Variants in ATP2A3 observed in about 807,000 individuals in gnomAD.
ATP2A3 encodes ATPase sarcoplasmic/endoplasmic reticulum Ca2+ transporting 3.
ATP2A3 carries 61 observed loss-of-function variants against 106.8 expected under a neutral mutation model. The ratio of observed to expected loss-of-function variants is 0.57; its 90% confidence interval spans 0.46 to 0.71. The LOEUF is 0.71. Ranked by LOEUF, ATP2A3 falls within the 30% of genes least tolerant of loss-of-function variation. The pLI is 0.00. For missense variants in ATP2A3, 1,201 were observed against 1,423.5 expected, an observed-to-expected ratio of 0.84 and a Z score of 2.52; for synonymous variants, 611 against 609.3, an observed-to-expected ratio of 1.00 and a Z score of -0.04.
intron 9 of ATP2A3, 34 bp downstream of exon 9, chr17:3,945,026 C>T (rs1244156993): frequency 2.7e-6 from 4 of 1,475,358 alleles, no homozygotes; most frequent in Non-Finnish European, 3.6e-6. Context: ...GCCCCCAGGC[C>T]GCCCGCCCGC....
Position 3,944,662 on chromosome 17 carries a change from C to T in ATP2A3, c.1287+42G>A, listed in dbSNP as rs1299115356. On this transcript the variant is annotated intron_variant, in intron 10 of 20. Coordinates refer to ENST00000397041, the MANE Select transcript of ATP2A3 (RefSeq NM_005173.4). ...GGCTGGGAAAAGGGTCTGTCCTGGT[C>T]GCCTGGATACTAGGGAGGTCATGAA... 3.1e-6 allele frequency: 5 copies of T among 1,589,388 alleles called. No homozygotes were observed. The African/African-American group carries it at 4.0e-5, about 13-fold the overall frequency.
chr17:3,938,484 G>C (rs886717953), intron 14 of ATP2A3, among the ~76,000 whole-genome samples: 1 of 152,058 alleles, frequency 6.6e-6, no homozygotes, highest in African/African-American at 2.4e-5. Context: ...GCATTACATT[G>C]GGGGTGGGGC....
chr17:3,936,205 A>C lies in ATP2A3; in HGVS notation c.2524+62T>G, dbSNP rs972244966. Reference sequence around the variant, plus strand: ...CTGAGTCACACTGTCTGCAGCTTGCAAGCCTGATACAAGGCTCTTAGGAAG... The same window carrying C: ...CTGAGTCACACTGTCTGCAGCTTGCCAGCCTGATACAAGGCTCTTAGGAAG... On this transcript the variant is annotated intron_variant, in intron 16 of 20. Transcript: ENST00000397041. This position sits in a 1 kb window ranked among gnomAD's most constrained non-coding sequence, Gnocchi z 5.4. 5.7e-6 allele frequency: 9 copies of C among 1,592,476 alleles called. No individual in the cohort carries two copies. The highest frequency in any genetic ancestry group is 6.0e-6 in the Non-Finnish European group (7 of 1,161,126).
rs1215707281 is a variant in ATP2A3 at position 3,951,266 on chromosome 17, T to C, written c.448A>G (p.Ile150Val). The change falls in exon 5 of 21, where the codon ATT becomes GTT. Residue 150 changes from isoleucine (I) to valine (V), a missense_variant. Ile to Val is a conservative substitution (Grantham distance 29). This residue lies in a region of ATP2A3 where 266 missense variants were observed against 246.8 expected (regional missense o/e 1.08). Transcript: ENST00000397041. Reference sequence around the variant, plus strand: ...CCCGGCATACCTGCCACTTCTACAATGTCCCCTGGGACGATGTCCCGGGCA... The same window carrying C: ...CCCGGCATACCTGCCACTTCTACAACGTCCCCTGGGACGATGTCCCGGGCA... Reference protein sequence around the residue: ...IRARDIVPGDIVEVAVGDKVP... With the variant: ...IRARDIVPGDVVEVAVGDKVP... The C allele has an allele frequency of 5.0e-6, 8 of 1,606,106 alleles. No homozygotes were observed. The East Asian group carries it at 1.4e-4, about 27-fold the overall frequency.
At position 3,929,685 on chromosome 17, in the gene ATP2A3, T is replaced by C. The variant is rs945131306; in HGVS notation, c.2745-240A>G. On this transcript the variant is annotated intron_variant, in intron 18 of 20. Coordinates refer to ENST00000397041, the MANE Select transcript of ATP2A3 (RefSeq NM_005173.4). This position sits in a 1 kb window ranked among gnomAD's most constrained non-coding sequence, Gnocchi z 4.3. ...TCCTGGGCCCCAATTCCGGTCCCCA[T>C]GAACTCTCAGAATCCTCTCTGGGCC... Among the ~76,000 whole-genome samples, 1 of 152,118 alleles carries C rather than the reference T, an allele frequency of 6.6e-6. No homozygotes were observed. Among genetic ancestry groups the C allele is most frequent in the Non-Finnish European group, 1.5e-5 (1 of 68,002 alleles).
At chr17:3,940,031 C>CTTTTTTT (rs1174008086) in intron 14 of ATP2A3, among the ~76,000 whole-genome samples, 1,001 of 96,452 alleles carry the variant, frequency 0.01, 170 homozygotes, top group African/African-American at 0.045. Context: ...TGTGTCATAT[C>CTTTTTTT]TTTTTTTTTT....
In ATP2A3 at chr17:3,928,201, C is replaced by T. The variant is rs755740079; in HGVS notation, c.2980+462G>A. ...AGCTGTGAGCTCAGAAACAACCCTC[C>T]CCTTGACCCACCCACAAGGTGATAC... is the stretch of plus-strand genomic sequence containing the variant. On this transcript the variant is annotated intron_variant, in intron 20 of 20. Transcript: ENST00000397041. The surrounding 1 kb of genome is among the most constrained non-coding windows in gnomAD (Gnocchi z 6.1). The T allele has an allele frequency of 8.7e-6, 14 of 1,611,528 alleles. No individual in the cohort carries two copies. The South Asian group carries it at 1.3e-4, about 15-fold the overall frequency.
In ATP2A3 at chr17:3,930,393, G is replaced by A. The variant is rs375431156; in HGVS notation, c.2652C>T (p.Ala884=). 1.1e-5 allele frequency: 18 copies of A among 1,613,818 alleles called. No homozygotes were observed. The highest frequency in any genetic ancestry group is 4.5e-5 in the East Asian group (2 of 44,892). The change falls in exon 18 of 21, where the codon GCC becomes GCT. Residue 884 remains alanine (A), a synonymous_variant. Transcript: ENST00000397041. This position sits in a 1 kb window ranked among gnomAD's most constrained non-coding sequence, Gnocchi z 5.4. ...ACTCGAACACCTCACAGTCGATGCC[G>A]GCAAAGAGCGGGTTGTCTTCGGAGC... ...LKCSEDNPLF[A]GIDCEVFESR...
Position 3,923,880 on chromosome 17 carries a change from A to T in ATP2A3, c.*1542T>A, listed in dbSNP as rs1195170532. ...GACGCTGAGGATCCTCCGTTCCCCCAGTCACACAACCTTTATTTCTCTACC... is the reference window on the plus strand; with the variant it reads ...GACGCTGAGGATCCTCCGTTCCCCCTGTCACACAACCTTTATTTCTCTACC... On this transcript the variant is annotated 3_prime_UTR_variant, in exon 21 of 21. Transcript: ENST00000397041. 6.6e-6 allele frequency: 1 copy of T among 152,302 alleles called. No individual in the cohort carries two copies. Among genetic ancestry groups the T allele is most frequent in the Non-Finnish European group, 1.5e-5 (1 of 68,130 alleles). 9.4% of individuals were successfully genotyped at this position (152,302 alleles called of 1,614,324 possible). A position where few individuals can be genotyped will look rare whatever the true frequency, so the allele number is the denominator to read the frequency against.
Position 3,944,826 on chromosome 17 carries a change from A to AC in ATP2A3, c.1185-21dup. 1 of 1,597,578 alleles carries AC rather than the reference A, an allele frequency of 6.3e-7. No homozygotes were observed. ...TGCCGCCTGCGGAGCCGGGGCGGTC[A>AC]CCAGGAGGACCTCGGCTCCGCCCCC... On this transcript the variant is annotated intron_variant, in intron 9 of 20. Transcript: ENST00000397041.
chr17:3,940,751 G>A (rs796417725), intron 14 of ATP2A3, among the ~76,000 whole-genome samples: 24 of 152,084 alleles, frequency 1.6e-4, no homozygotes, highest in African/African-American at 5.1e-4. Context: ...CAACTGATCC[G>A]CCCGCCTCAG....
At chr17:3,954,719 A>T (rs1026808457) in intron 1 of ATP2A3, among the ~76,000 whole-genome samples, 1 of 151,306 alleles carries the variant, frequency 6.6e-6, no homozygotes, top group Non-Finnish European at 1.5e-5. Flanking sequence ...GTGGTCTCGA[A>T]CTCCTGACCT....
intron 1 of ATP2A3, among the ~76,000 whole-genome samples, chr17:3,958,281 C>T (rs770943537): frequency 3.9e-5 from 6 of 152,228 alleles, no homozygotes; most frequent in East Asian, 1.9e-4. Context: ...ACAGTGAACA[C>T]GCTCCAGCCA....
Position 3,941,211 on chromosome 17 carries a change from G to A in ATP2A3, c.1860C>T (p.Arg620=), listed in dbSNP as rs143693514. The change falls in exon 14 of 21, where the codon CGC becomes CGT. Residue 620 remains arginine, a synonymous_variant. Coordinates refer to ENST00000397041, the MANE Select transcript of ATP2A3 (RefSeq NM_005173.4). ...CITRCYQAGI[R]VVMITGDNKG... is the part of the protein sequence containing the mutation. ...TGTTATCCCCCGTGATCATGACCACGCGGATGCCCGCCTGGTAGCAGCGTG... is the reference window on the plus strand; with the variant it reads ...TGTTATCCCCCGTGATCATGACCACACGGATGCCCGCCTGGTAGCAGCGTG... 62 of 1,613,972 alleles carry A rather than the reference G, an allele frequency of 3.8e-5. 1 individual carries two copies. In the African/African-American group the frequency reaches 4.5e-4, roughly 12 times the overall value.
intron 1 of ATP2A3, among the ~76,000 whole-genome samples, chr17:3,958,251 GC>G (rs1377633961): frequency 6.6e-6 from 1 of 152,216 alleles, no homozygotes; most frequent in Non-Finnish European, 1.5e-5. Flanking sequence ...CATGCATAAA[GC>G]ACTTGGAATG....
In ATP2A3 at chr17:3,947,496, G is replaced by C. The variant is rs145919284; in HGVS notation, c.990C>G (p.Asn330Lys). 71 of 1,613,466 alleles carry C rather than the reference G, an allele frequency of 4.4e-5. No homozygotes were observed. The highest frequency in any genetic ancestry group is 5.7e-5 in the Non-Finnish European group (67 of 1,180,034). The change falls in exon 8 of 21, where the codon AAC (asparagine) becomes AAG (lysine). Residue 330 changes from asparagine to lysine, a missense_variant. By Grantham distance (94) the Asn-to-Lys change is moderately conservative. Around this residue, in one of 2 missense-constraint regions of ATP2A3, gnomAD observed 935 missense variants for 1,176.7 expected, o/e 0.79. Transcript: ENST00000397041. This position sits in a 1 kb window ranked among gnomAD's most constrained non-coding sequence, Gnocchi z 7.7. ...CGGACGGCAGGCTTCGCACGATGGC[G>C]TTCTTGCGTGCCATGCGCCGCGTGC... Reference protein sequence around the residue: ...ALGTRRMARKNAIVRSLPSVE... With the variant: ...ALGTRRMARKKAIVRSLPSVE...
At position 3,936,128 on chromosome 17, in the gene ATP2A3, C is replaced by T; in HGVS notation, c.2524+139G>A. The T allele has an allele frequency of 8.7e-7, 1 of 1,142,922 alleles. No individual in the cohort carries two copies. Among genetic ancestry groups the T allele is most frequent in the African/African-American group, 1.5e-5 (1 of 64,774 alleles). The allele number at this position is 1,142,922 out of a possible 1,614,324, so 70.8% of individuals were successfully genotyped here. On this transcript the variant is annotated intron_variant, in intron 16 of 20. Coordinates refer to ENST00000397041, the MANE Select transcript of ATP2A3 (RefSeq NM_005173.4). This position sits in a 1 kb window ranked among gnomAD's most constrained non-coding sequence, Gnocchi z 5.4. ...TACTGAGACCCAGATCCCGCCATGC[C>T]TGGTCTTTTCCATTACATGAGCTCA...
Position 3,964,397 on chromosome 17 carries a change from G to T in ATP2A3, c.-106C>A, listed in dbSNP as rs895382282. On this transcript the variant is annotated 5_prime_UTR_variant, in exon 1 of 21. An upstream open reading frame in the 5' UTR gains an earlier in-frame stop. Transcript: ENST00000397041. ...ACTCGGGCCCGGGCGGGCGCCGCGC[G>T]AGGCCATGTCCGTGCTGGGACCTTA... 6.3e-5 allele frequency: 34 copies of T among 540,982 alleles called. No individual in the cohort carries two copies. The highest frequency in any genetic ancestry group is 1.7e-4 in the Admixed American group (3 of 17,428). 33.5% of individuals were successfully genotyped at this position (540,982 alleles called of 1,614,324 possible).
chr17:3,925,317 G>T lies in ATP2A3; in HGVS notation c.*105C>A. 6.3e-7 allele frequency: 1 copy of T among 1,596,214 alleles called. No homozygotes were observed. Among genetic ancestry groups the T allele is most frequent in the Non-Finnish European group, 8.6e-7 (1 of 1,167,450 alleles). ...CCTGTCATTTATCCGGCGGGACCCG[G>T]TGGGCAAGTGGGCGAGTGTGGTGGC... On this transcript the variant is annotated 3_prime_UTR_variant, in exon 21 of 21. Coordinates refer to ENST00000397041, the MANE Select transcript of ATP2A3 (RefSeq NM_005173.4). The surrounding 1 kb of genome is among the most constrained non-coding windows in gnomAD (Gnocchi z 4.2).
Sources: allele counts gnomAD v4.1 joint callset (sites outside exome capture counted in the v4.1 genomes callset), GRCh38; gene constraint gnomAD v4.1.1; regional missense constraint gnomAD v4.1.1; non-coding constraint Gnocchi (gnomAD v3.1); transcripts MANE v1.5; gene names NCBI Gene and HGNC (gene_info 2026-07-23, HGNC 2026-07-21).